Variants in GEN1 observed in about 807,000 individuals in gnomAD.
The protein encoded by GEN1 is flap endonuclease GEN homolog 1.
A neutral mutation model predicts 67.6 loss-of-function variants in GEN1; 64 were observed. The ratio of observed to expected loss-of-function variants is 0.95; its 90% CI spans 0.77 to 1.17. The LOEUF (loss-of-function observed/expected upper bound fraction) is 1.17. Among genes scored for constraint, GEN1 ranks in the 50% most tolerant of loss-of-function variants. The pLI is 0.00. For missense variants in GEN1, 1,058 were observed against 1,048.3 expected (o/e 1.01, Z -0.13); for synonymous variants, 371 against 359.4 (o/e 1.03, Z -0.37).
chr2:17,755,906 TTATGGGCACCA>T (rs1217386392), intron 1 of GEN1: 2 of 152,234 alleles, frequency 1.3e-5, no homozygotes, highest in African/African-American at 4.8e-5. Flanking sequence ...TTAAATTGAT[TTATGGGCACCA>T]TATGGTTACA....
At chr2:17,766,749 C>A in intron 5 of GEN1, 60 bp downstream of exon 5, 2 of 898,296 alleles carry the variant, frequency 2.2e-6, no homozygotes, top group African/African-American at 1.7e-5. Flanking sequence ...ACTTTATGTG[C>A]TGTATAAATA....
chr2:17,773,128 A>G lies in GEN1; in HGVS notation c.986A>G (p.His329Arg). The G allele has an allele frequency of 3.2e-6, 5 of 1,582,596 alleles. No homozygotes were observed. The highest frequency in any genetic ancestry group is 1.7e-5 in the Admixed American group (1 of 59,710). ...KACCCEGFPF[H>R]EVIQEFLLNK... ...TGCTGTTGTGAGGGATTCCCATTCC[A>G]TGAGGTAATATCCAGTAATTCAACT... The change falls in exon 9 of 14, where the codon CAT becomes CGT. Residue 329 changes from histidine (H) to arginine (R), a missense_variant. Transcript: ENST00000381254.
chr2:17,762,141 C>T (rs1269629434), intron 3 of GEN1, among the ~76,000 whole-genome samples: 1 of 149,036 alleles, frequency 6.7e-6, no homozygotes, highest in Admixed American at 6.7e-5. Flanking sequence ...AGAAAGAAAT[C>T]ATCTATAGTA....
In GEN1 at chr2:17,780,860, C is replaced by T; in HGVS notation, c.1648C>T (p.Pro550Ser). The change falls in exon 14 of 14, where the codon CCT (proline) becomes TCT (serine). Residue 550 changes from proline to serine, a missense_variant. By Grantham distance (74) the Pro-to-Ser change is moderately conservative. Coordinates refer to ENST00000381254, the MANE Select transcript of GEN1 (RefSeq NM_001130009.3). ...AGAACAGTTCATGTCTTCTCTAAGA[C>T]CTTTGGCTATACAGCAAATTAAAGC... ...AQEQFMSSLR[P>S]LAIQQIKAVS... is the part of the protein sequence containing the mutation. 6.2e-7 allele frequency: 1 copy of T among 1,613,888 alleles called. No individual in the cohort carries two copies. Among genetic ancestry groups the T allele is most frequent in the Non-Finnish European group, 8.5e-7 (1 of 1,179,852 alleles).
rs1396008604 is a variant in GEN1 at position 17,780,662 on chromosome 2, G to A, written c.1450G>A (p.Val484Ile). ...KENNLPEPDE[V>I]MSFQSHMTLK... is the part of the protein sequence containing the mutation. Reference sequence around the variant, plus strand: ...AAACAATTTGCCAGAACCAGATGAAGTAATGAGCTTTCAGTCACACATGAC... The same window carrying A: ...AAACAATTTGCCAGAACCAGATGAAATAATGAGCTTTCAGTCACACATGAC... Residue 484 changes from valine (V) to isoleucine (I), a missense_variant, in exon 14 of 14, where the codon GTA becomes ATA. Physicochemically the swap from Val to Ile is conservative, Grantham distance 29. Transcript: ENST00000381254. 1.2e-6 allele frequency: 2 copies of A among 1,608,792 alleles called. No homozygotes were observed. Among genetic ancestry groups the A allele is most frequent in the Admixed American group, 3.4e-5 (2 of 59,316 alleles).
chr2:17,776,318 T>C (rs1471748789), intron 11 of GEN1, among the ~76,000 whole-genome samples: 4 of 152,152 alleles, frequency 2.6e-5, no homozygotes. Flanking sequence ...TGAATTGTTT[T>C]TAAGTCATAA....
intron 12 of GEN1, among the ~76,000 whole-genome samples, chr2:17,778,460 A>ATGTGTATC (rs1558410230): frequency 6.8e-5 from 2 of 29,498 alleles, no homozygotes; most frequent in African/African-American, 1.5e-4. Flanking sequence ...GTGTGTACAT[A>ATGTGTATC]TATGTATATA....
intron 5 of GEN1, 124 bp downstream of exon 5, chr2:17,766,813 C>A (rs1488504803): frequency 1.8e-6 from 1 of 560,136 alleles, no homozygotes; most frequent in Non-Finnish European, 3.1e-6. Flanking sequence ...TAATTTCAGG[C>A]ATAATAAGCT....
chr2:17,763,162 TA>T (rs1357056360), intron 3 of GEN1, among the ~76,000 whole-genome samples: 8 of 152,206 alleles, frequency 5.3e-5, no homozygotes, highest in African/African-American at 1.7e-4. Context: ...TAATTTTAGT[TA>T]AAAAATTATG....
At chr2:17,774,441 TTGAG>T (rs1490597545) in intron 11 of GEN1, 40 bp downstream of exon 11, 19 of 1,505,278 alleles carry the variant, frequency 1.3e-5, no homozygotes, top group Non-Finnish European at 1.7e-5. Flanking sequence ...GTGTTTTTAC[TTGAG>T]TATTTTATAA....
intron 1 of GEN1, among the ~76,000 whole-genome samples, chr2:17,756,062 G>T (rs1288101612): frequency 1.3e-5 from 2 of 151,946 alleles, no homozygotes; most frequent in South Asian, 2.1e-4. Flanking sequence ...CTACCAGTTG[G>T]TCATGCAATT....
chr2:17,781,945 A>G lies in GEN1; in HGVS notation c.*6A>G. ...TAAGATTCCAAAGCACTTGAAATTT[A>G]AAACACTTAGGTATAACTTAACTAT... On this transcript the variant is annotated 3_prime_UTR_variant, in exon 14 of 14. Transcript: ENST00000381254. 2 of 1,458,256 alleles carry G rather than the reference A, an allele frequency of 1.4e-6. No homozygotes were observed. Among genetic ancestry groups the G allele is most frequent in the Non-Finnish European group, 9.3e-7 (1 of 1,074,922 alleles). 90.3% of individuals were successfully genotyped at this position (1,458,256 alleles called of 1,614,324 possible).
chr2:17,764,998 C>A lies in GEN1; in HGVS notation c.450C>A (p.Gly150=). ...TCAATGCTGGTGGTCATGTCGATGG[C>A]TGCCTCACCAATGATGGAGATACTT... ...AYLNAGGHVD[G]CLTNDGDTFL... Residue 150 remains glycine, a synonymous_variant, in exon 4 of 14, where the codon GGC becomes GGA. Transcript: ENST00000381254. 6.2e-7 allele frequency: 1 copy of A among 1,614,138 alleles called. No homozygotes were observed. The highest frequency in any genetic ancestry group is 8.5e-7 in the Non-Finnish European group (1 of 1,180,002).
At chr2:17,759,196 C>T (rs1460873796) in intron 1 of GEN1, among the ~76,000 whole-genome samples, 1 of 152,138 alleles carries the variant, frequency 6.6e-6, no homozygotes, top group African/African-American at 2.4e-5. Context: ...GCACATGCTA[C>T]TTAATGTCTT....
At chr2:17,756,869 C>CT (rs1243154579) in intron 1 of GEN1, among the ~76,000 whole-genome samples, 3 of 152,068 alleles carry the variant, frequency 2.0e-5, no homozygotes, top group African/African-American at 7.2e-5. Context: ...GCATTCTGTC[C>CT]TTTTTTGGAA....
intron 6 of GEN1, 42 bp from the exon 7 acceptor site, chr2:17,771,154 C>G: frequency 8.6e-7 from 1 of 1,162,722 alleles, no homozygotes; most frequent in Non-Finnish European, 1.3e-6. Context: ...TTTTTGTGAC[C>G]TCATTTTTTT....
chr2:17,768,666 G>T (rs188010937), intron 5 of GEN1, 72 bp from the exon 6 acceptor site: 19 of 1,116,036 alleles, frequency 1.7e-5, no homozygotes, highest in East Asian at 9.5e-5. Flanking sequence ...TGACTCTTCC[G>T]TTCAATTAAT....
rs139945353 is a variant in GEN1, at chr2:17,772,634, G to A, written c.803G>A (p.Gly268Asp). ...ATACTTTTTTTGGGTCTCCATAAAG[G>A]TTCACCTAAGGATCATGAACGTAAT... ...LAHCSVCSHPGSPKDHERNGC... is the reference protein window; with the variant it reads ...LAHCSVCSHPDSPKDHERNGC... Residue 268 changes from glycine to aspartate, a missense_variant and splice_region_variant, in exon 8 of 14, where the codon GGT becomes GAT. By Grantham distance (94) the Gly-to-Asp change is moderately conservative. Transcript: ENST00000381254. 5 of 1,602,428 alleles carry A rather than the reference G, an allele frequency of 3.1e-6. No homozygotes were observed. Among genetic ancestry groups the A allele is most frequent in the South Asian group, 2.2e-5 (2 of 89,398 alleles).
In GEN1 at chr2:17,780,641, A is replaced by G; in HGVS notation, c.1429A>G (p.Asn477Asp). 1 of 1,584,128 alleles carries G rather than the reference A, an allele frequency of 6.3e-7. No individual in the cohort carries two copies. The highest frequency in any genetic ancestry group is 1.4e-5 in the African/African-American group (1 of 73,570). The change falls in exon 14 of 14, where the codon AAT becomes GAT. Residue 477 changes from asparagine (N) to aspartate (D), a missense_variant. By Grantham distance (23) the Asn-to-Asp change is conservative (BLOSUM62 1). Coordinates refer to ENST00000381254, the MANE Select transcript of GEN1 (RefSeq NM_001130009.3). ...KQKRIKPKEN[N>D]LPEPDEVMSF... Reference sequence around the variant, plus strand: ...TTCAGGTATTAAGCCTAAAGAAAACAATTTGCCAGAACCAGATGAAGTAAT... The same window carrying G: ...TTCAGGTATTAAGCCTAAAGAAAACGATTTGCCAGAACCAGATGAAGTAAT...
Sources: allele counts gnomAD v4.1 joint callset (sites outside exome capture counted in the v4.1 genomes callset), GRCh38; gene constraint gnomAD v4.1.1; transcripts MANE v1.5; gene names NCBI Gene and HGNC (gene_info 2026-07-23, HGNC 2026-07-21).